UNC13C: variants seen among roughly 807,000 people sequenced by gnomAD.
The protein encoded by UNC13C is protein unc-13 homolog C.
UNC13C carries 174 observed loss-of-function variants against 245.4 expected under a neutral mutation model. The observed-to-expected ratio is 0.71, with a 90% CI of 0.63 to 0.80. UNC13C has a LOEUF of 0.80. Among genes scored for constraint, UNC13C ranks in the 30% least tolerant of loss-of-function variants. The pLI is 0.00. For synonymous variants in UNC13C, 992 were observed against 895.1 expected, an observed-to-expected ratio of 1.11 and a Z score of -1.93; for missense variants, 2,829 against 2,602.9, an observed-to-expected ratio of 1.09 and a Z score of -1.89.
rs146738269 is a variant in UNC13C, at chr15:54,100,295, C to T, written c.2984-42723C>T. ...ATACCTTGGAATGCTTCCATCAAAG[C>T]CAAAAATAAAATCCACACTGTCAAA... On this transcript the variant is annotated intron_variant, in intron 2 of 32. Transcript: ENST00000260323. Among the ~76,000 whole-genome samples the T allele has an allele frequency of 1.4e-4, 21 of 152,196 alleles. No individual in the cohort carries two copies. In the East Asian group the frequency reaches 3.5e-3, roughly 25 times the overall value.
chr15:53,873,921 TTTCTTC>T, the UNC13C span, among the ~76,000 whole-genome samples: 9 of 20,398 alleles, frequency 4.4e-4, no homozygotes, highest in Admixed American at 5.2e-4. Flanking sequence ...CCTTCCTTCC[TTTCTTC>T]CTTCCTTCCT....
intron 8 of UNC13C, among the ~76,000 whole-genome samples, chr15:54,254,948 C>T (rs952884495): frequency 2.0e-5 from 3 of 152,140 alleles, no homozygotes; most frequent in Non-Finnish European, 4.4e-5. Flanking sequence ...TACAGCCAAC[C>T]GCCAATAAAT....
At chr15:54,171,067 T>C (rs1180185775) in intron 4 of UNC13C, among the ~76,000 whole-genome samples, 1 of 152,180 alleles carries the variant, frequency 6.6e-6, no homozygotes, top group Non-Finnish European at 1.5e-5. Flanking sequence ...TTGTCAAATG[T>C]ACACATGCTT....
At chr15:53,875,689 C>T in the UNC13C span, among the ~76,000 whole-genome samples, 32 of 152,152 alleles carry the variant, frequency 2.1e-4, no homozygotes, top group Non-Finnish European at 2.8e-4. Flanking sequence ...CCTTTGTTCC[C>T]TCAAAGCTGT....
Position 54,338,461 on chromosome 15 carries a change from A to G in UNC13C, c.4685A>G (p.His1562Arg), listed in dbSNP as rs780782919. 34 of 1,613,638 alleles carry G rather than the reference A, an allele frequency of 2.1e-5. No individual in the cohort carries two copies. The highest frequency in any genetic ancestry group is 2.8e-5 in the Non-Finnish European group (33 of 1,179,596). ...TACAAGTATATTTTTGACAACTGCC[A>G]TGAACTCTACTCCCAGCTAACAGAC... Reference protein sequence around the residue: ...STYKYIFDNCHELYSQLTDPS... With the variant: ...STYKYIFDNCRELYSQLTDPS... The change falls in exon 17 of 33, where the codon CAT becomes CGT. Residue 1562 changes from histidine (H) to arginine (R), a missense_variant. Physicochemically the swap from His to Arg is conservative, Grantham distance 29 (BLOSUM62 0). Coordinates refer to ENST00000260323, the MANE Select transcript of UNC13C (RefSeq NM_001080534.3).
intron 4 of UNC13C, among the ~76,000 whole-genome samples, chr15:54,204,868 A>G (rs555331723): frequency 6.6e-6 from 1 of 151,994 alleles, no homozygotes; most frequent in African/African-American, 2.4e-5. Flanking sequence ...TAGAAAATAC[A>G]TGAGTGATTT....
chr15:53,843,423 C>CT, the UNC13C span, among the ~76,000 whole-genome samples: 1,021 of 152,302 alleles, frequency 6.7e-3, 6 homozygotes, highest in Non-Finnish European at 9.6e-3. Context: ...GAGCGTGCCA[C>CT]TGCACTCCAA....
At chr15:54,177,901 T>G (rs191029510) in intron 4 of UNC13C, among the ~76,000 whole-genome samples, 1 of 152,102 alleles carries the variant, frequency 6.6e-6, no homozygotes, top group Non-Finnish European at 1.5e-5. Context: ...TATTAAACAT[T>G]TTTTCTCATT....
chr15:54,128,902 C>A (rs1443480006), intron 2 of UNC13C, among the ~76,000 whole-genome samples: 1 of 152,158 alleles, frequency 6.6e-6, no homozygotes, highest in Non-Finnish European at 1.5e-5. Flanking sequence ...AAAGTCCTGA[C>A]TCTCAACTAG....
intron 2 of UNC13C, among the ~76,000 whole-genome samples, chr15:54,108,900 C>T (rs1900602702): frequency 6.6e-6 from 1 of 152,142 alleles, no homozygotes; most frequent in Admixed American, 6.6e-5. Flanking sequence ...AGGAAGCATT[C>T]CTTGTAGTTG....
At chr15:54,186,212 G>T (rs2033977948) in intron 4 of UNC13C, among the ~76,000 whole-genome samples, 1 of 152,076 alleles carries the variant, frequency 6.6e-6, no homozygotes. Context: ...CATGTCATCT[G>T]CAAACAGGGA....
intron 8 of UNC13C, among the ~76,000 whole-genome samples, chr15:54,252,665 G>A (rs570841114): frequency 4.0e-4 from 61 of 152,202 alleles, no homozygotes; most frequent in African/African-American, 1.4e-3. Flanking sequence ...CAAAAAAATG[G>A]CAATGGTGAC....
At chr15:54,098,329 C>T (rs1039130572) in intron 2 of UNC13C, among the ~76,000 whole-genome samples, 1 of 152,146 alleles carries the variant, frequency 6.6e-6, no homozygotes, top group African/African-American at 2.4e-5. Context: ...CAAGTGCCAC[C>T]ACGCCTGGCT....
At chr15:54,105,627 C>G (rs932690578) in intron 2 of UNC13C, among the ~76,000 whole-genome samples, 3 of 145,834 alleles carry the variant, frequency 2.1e-5, no homozygotes, top group Non-Finnish European at 4.5e-5. Flanking sequence ...ACACTATTAA[C>G]TACACATGAA....
At chr15:53,927,346 A>C in the UNC13C span, among the ~76,000 whole-genome samples, 1 of 152,192 alleles carries the variant, frequency 6.6e-6, no homozygotes, top group African/African-American at 2.4e-5. Context: ...GGCTGTAGGC[A>C]AGGAGAACAG....
chr15:54,267,022 T>C (rs1260225867), intron 10 of UNC13C, among the ~76,000 whole-genome samples: 2 of 152,134 alleles, frequency 1.3e-5, no homozygotes, highest in African/African-American at 4.8e-5. Flanking sequence ...ATTTTATTAA[T>C]ATATCACAGT....
At chr15:54,414,509 T>C (rs975189417) in intron 18 of UNC13C, among the ~76,000 whole-genome samples, 4 of 152,078 alleles carry the variant, frequency 2.6e-5, no homozygotes, top group African/African-American at 9.7e-5. Context: ...TAGCCGGGCA[T>C]GGTGGCACAC....
chr15:54,409,376 C>G (rs2040372048), intron 18 of UNC13C, among the ~76,000 whole-genome samples: 1 of 150,974 alleles, frequency 6.6e-6, no homozygotes, highest in South Asian at 2.1e-4. Context: ...TTTGCTTTTT[C>G]TTTCCAACTT....
chr15:54,518,269 A>G (rs367902208), intron 24 of UNC13C, among the ~76,000 whole-genome samples: 1 of 152,218 alleles, frequency 6.6e-6, no homozygotes, highest in African/African-American at 2.4e-5. Flanking sequence ...GGTGCTGCTG[A>G]GGAGGTTGAA....
Sources: gnomAD v4.1 joint callset for allele counts (sites outside exome capture counted in the v4.1 genomes callset) on GRCh38, gnomAD v4.1.1 for gene constraint, MANE v1.5 for transcripts, NCBI Gene and HGNC (gene_info 2026-07-23, HGNC 2026-07-21) for gene names.